Variants in GPC5 observed in about 807,000 individuals in gnomAD.
GPC5 encodes glypican 5, also known as glypican-5.
Under a neutral mutation model 53.9 loss-of-function variants are expected in GPC5, and 47 were observed. The ratio of observed to expected loss-of-function variants is 0.87; its 90% CI spans 0.69 to 1.11. The LOEUF is 1.11. GPC5 is among the 50% of genes most tolerant of loss of function. GPC5 has a pLI of 0.00. For synonymous variants in GPC5, 286 were observed against 263.3 expected, an observed-to-expected ratio of 1.09 and a Z score of -0.84; for missense variants, 748 against 713.1, an observed-to-expected ratio of 1.05 and a Z score of -0.56.
intron 6 of GPC5, among the ~76,000 whole-genome samples, chr13:91,936,623 A>G (rs1472188931): frequency 6.6e-6 from 1 of 152,082 alleles, no homozygotes; most frequent in Non-Finnish European, 1.5e-5. Flanking sequence ...TGTATCCAAC[A>G]TGTTCCATTG....
intron 7 of GPC5, among the ~76,000 whole-genome samples, chr13:92,751,745 A>AAAAAAAAT (rs1393663158): frequency 5.8e-5 from 8 of 139,020 alleles, no homozygotes; most frequent in African/African-American, 1.9e-4. Flanking sequence ...TTAAAGTATA[A>AAAAAAAAT]AAAAAAATAA....
At chr13:92,681,848 G>A (rs892630647) in intron 7 of GPC5, among the ~76,000 whole-genome samples, 3 of 152,142 alleles carry the variant, frequency 2.0e-5, no homozygotes, top group Non-Finnish European at 4.4e-5. Flanking sequence ...TTCCTTTGTG[G>A]TGGAATTCAG....
At chr13:92,569,539 G>A (rs1372105466) in intron 7 of GPC5, among the ~76,000 whole-genome samples, 1 of 152,038 alleles carries the variant, frequency 6.6e-6, no homozygotes, top group African/African-American at 2.4e-5. Context: ...TGTCTTGTCT[G>A]TGCTAAATAA....
chr13:92,797,877 TGATA>T (rs1376374442), intron 7 of GPC5, among the ~76,000 whole-genome samples: 8 of 151,316 alleles, frequency 5.3e-5, no homozygotes, highest in Admixed American at 1.3e-4. Flanking sequence ...AGATGATAGA[TGATA>T]GATAGTAGAG....
chr13:91,841,125 C>T (rs1046065380), intron 5 of GPC5, among the ~76,000 whole-genome samples: 5 of 151,492 alleles, frequency 3.3e-5, no homozygotes, highest in Admixed American at 6.6e-5. Context: ...TATATGAATT[C>T]CGAAGGGGCC....
chr13:91,411,959 C>T (rs1348337402), intron 1 of GPC5, among the ~76,000 whole-genome samples: 1 of 152,328 alleles, frequency 6.6e-6, no homozygotes, highest in Non-Finnish European at 1.5e-5. Context: ...AATTTCTTTA[C>T]TCACATTCAG....
chr13:92,281,940 A>G (rs2042918568), intron 7 of GPC5, among the ~76,000 whole-genome samples: 1 of 152,160 alleles, frequency 6.6e-6, no homozygotes, highest in African/African-American at 2.4e-5. Context: ...CAGACGATCA[A>G]ACTTCTCTGA....
intron 7 of GPC5, among the ~76,000 whole-genome samples, chr13:92,664,684 A>G (rs1215348189): frequency 6.6e-6 from 1 of 152,148 alleles, no homozygotes; most frequent in East Asian, 1.9e-4. Context: ...AAAACATTCA[A>G]TTTGGGCAAA....
chr13:91,877,289 C>A (rs2039213893), intron 5 of GPC5, among the ~76,000 whole-genome samples: 1 of 152,154 alleles, frequency 6.6e-6, no homozygotes, highest in Admixed American at 6.5e-5. Context: ...GGTAGATCCA[C>A]CGACAGTTTG....
chr13:92,267,037 G>C (rs2042807182), intron 7 of GPC5, among the ~76,000 whole-genome samples: 1 of 151,898 alleles, frequency 6.6e-6, no homozygotes. Flanking sequence ...CTAAAATTGA[G>C]TCTTTTATTG....
intron 7 of GPC5, among the ~76,000 whole-genome samples, chr13:92,538,383 T>C (rs1881795448): frequency 6.6e-6 from 1 of 151,392 alleles, no homozygotes; most frequent in Non-Finnish European, 1.5e-5. Context: ...TTTCCCTCTC[T>C]CTTGCTTCAC....
intron 5 of GPC5, among the ~76,000 whole-genome samples, chr13:91,827,354 T>A (rs1194586872): frequency 1.3e-5 from 2 of 151,542 alleles, no homozygotes; most frequent in Non-Finnish European, 1.5e-5. Flanking sequence ...ATGATAAGTA[T>A]CCTCATGAAA....
chr13:91,649,688 C>A (rs2034649089), intron 2 of GPC5, among the ~76,000 whole-genome samples: 1 of 152,116 alleles, frequency 6.6e-6, no homozygotes, highest in African/African-American at 2.4e-5. Context: ...GTCCCAGGGG[C>A]CTTTTGTTTA....
chr13:92,270,714 T>G (rs2042833989), intron 7 of GPC5, among the ~76,000 whole-genome samples: 1 of 152,216 alleles, frequency 6.6e-6, no homozygotes, highest in Admixed American at 6.5e-5. Flanking sequence ...ATCTTTGTTT[T>G]TATAGGTTGC....
intron 6 of GPC5, among the ~76,000 whole-genome samples, chr13:92,017,977 C>T (rs556816996): frequency 2.3e-4 from 35 of 150,642 alleles, no homozygotes; most frequent in African/African-American, 8.0e-4. Context: ...ACGTGCAGCA[C>T]GAGTACACAC....
At chr13:92,537,930 TGAAAGGGTGGGATTTTAAGGCTA>T (rs1279661413) in intron 7 of GPC5, among the ~76,000 whole-genome samples, 1 of 152,140 alleles carries the variant, frequency 6.6e-6, no homozygotes, top group Non-Finnish European at 1.5e-5. Flanking sequence ...TGGAAATTTT[TGAAAGGGTGGGATTTTAAGGCTA>T]GAAGGAACCT....
At chr13:92,045,822 AT>A (rs1420326600) in intron 6 of GPC5, among the ~76,000 whole-genome samples, 2 of 152,190 alleles carry the variant, frequency 1.3e-5, no homozygotes, top group Non-Finnish European at 2.9e-5. Flanking sequence ...TGGGATAAAT[AT>A]TGATGCTCAG....
At chr13:92,280,944 C>T (rs2042910497) in intron 7 of GPC5, among the ~76,000 whole-genome samples, 1 of 152,158 alleles carries the variant, frequency 6.6e-6, no homozygotes, top group Admixed American at 6.5e-5. Context: ...CAAAGCAGGG[C>T]AAGGCATCGC....
chr13:91,941,308 C>T (rs1170983108), intron 6 of GPC5, among the ~76,000 whole-genome samples: 1 of 151,982 alleles, frequency 6.6e-6, no homozygotes, highest in East Asian at 1.9e-4. Context: ...GTTCTTTTTG[C>T]TTAGGATTGC....
Sources: gnomAD v4.1 joint callset for allele counts (sites outside exome capture counted in the v4.1 genomes callset) on GRCh38, gnomAD v4.1.1 for gene constraint, MANE v1.5 for transcripts, NCBI Gene and HGNC (gene_info 2026-07-23, HGNC 2026-07-21) for gene names.